PAICS: variants seen among roughly 807,000 people sequenced by gnomAD.
The protein encoded by PAICS is bifunctional phosphoribosylaminoimidazole carboxylase/phosphoribosylaminoimidazole succinocarboxamide synthetase.
PAICS carries 33 observed loss-of-function variants against 53.7 expected under a neutral mutation model. The observed-to-expected ratio is 0.61, with a 90% CI of 0.47 to 0.82. The LOEUF (loss-of-function observed/expected upper bound fraction) is 0.82, where lower values mean the gene tolerates loss of function less well. Ranked by LOEUF, PAICS falls within the 40% of genes least tolerant of loss-of-function variation. The pLI, the probability that PAICS is intolerant of heterozygous loss-of-function variation, is 0.00. For missense variants in PAICS, 394 were observed against 494.1 expected, an observed-to-expected ratio of 0.80 and a Z score of 1.92; for synonymous variants, 141 against 167.2, an observed-to-expected ratio of 0.84 and a Z score of 1.21.
chr4:56,457,428 A>G (rs1301863615), intron 8 of PAICS, among the ~76,000 whole-genome samples: 1 of 152,080 alleles, frequency 6.6e-6, no homozygotes, highest in African/African-American at 2.4e-5. Flanking sequence ...AATGTTTAAA[A>G]AGAAAAAAAT....
upstream of PAICS, chr4:56,435,718 A>C (rs1402927880): frequency 3.5e-5 from 52 of 1,467,438 alleles, no homozygotes; most frequent in Non-Finnish European, 4.6e-5. Context: ...CCCGCGGCTG[A>C]GGGGCGGGGT....
the PAICS span, among the ~76,000 whole-genome samples, chr4:56,429,562 GTC>G: frequency 6.0e-3 from 912 of 152,302 alleles, 17 homozygotes; most frequent in African/African-American, 0.021. Flanking sequence ...CTGAGCTCCA[GTC>G]TCTCTTTGAC....
chr4:56,456,112 G>A (rs1719182285), intron 8 of PAICS, among the ~76,000 whole-genome samples: 1 of 151,654 alleles, frequency 6.6e-6, no homozygotes, highest in Non-Finnish European at 1.5e-5. Context: ...TTTTTCTTGA[G>A]ACGGAGTCGG....
chr4:56,441,643 T>G lies in PAICS; in HGVS notation c.17-20T>G. The G allele has an allele frequency of 7.4e-7, 1 of 1,349,292 alleles. No individual in the cohort carries two copies. Among genetic ancestry groups the G allele is most frequent in the Non-Finnish European group, 1.0e-6 (1 of 999,572 alleles). 83.6% of individuals were successfully genotyped at this position (1,349,292 alleles called of 1,614,324 possible). On this transcript the variant is annotated intron_variant, in intron 1 of 8. Transcript: ENST00000512576. Reference sequence around the variant, plus strand: ...CAGGAAGTTTCTGAATTTTGGTCTATTTCCATTTTATTTCCACAGTACTGA... The same window carrying G: ...CAGGAAGTTTCTGAATTTTGGTCTAGTTCCATTTTATTTCCACAGTACTGA...
the PAICS span, among the ~76,000 whole-genome samples, chr4:56,417,977 T>C: frequency 6.6e-6 from 1 of 151,568 alleles, no homozygotes; most frequent in Non-Finnish European, 1.5e-5. Context: ...GTAGCTGGGA[T>C]TACAGGTGTG....
intron 8 of PAICS, among the ~76,000 whole-genome samples, chr4:56,454,797 G>A (rs1415548564): frequency 6.6e-6 from 1 of 151,314 alleles, no homozygotes; most frequent in Non-Finnish European, 1.5e-5. Context: ...TCATGGTATT[G>A]ATTTTTTTTT....
upstream of PAICS, among the ~76,000 whole-genome samples, chr4:56,435,144 G>A (rs79838544): frequency 5.0e-3 from 757 of 152,316 alleles, 9 homozygotes; most frequent in African/African-American, 0.017. Context: ...TGGCTGGGAG[G>A]GTGGGCAGGA....
At chr4:56,440,124 A>G (rs1718262357) in intron 1 of PAICS, among the ~76,000 whole-genome samples, 1 of 152,224 alleles carries the variant, frequency 6.6e-6, no homozygotes, top group Non-Finnish European at 1.5e-5. Flanking sequence ...TGGCTTGTGA[A>G]ACAAGAAGGA....
At chr4:56,443,842 A>G (rs550335438) in intron 2 of PAICS, among the ~76,000 whole-genome samples, 144 of 152,346 alleles carry the variant, frequency 9.5e-4, no homozygotes, top group African/African-American at 3.4e-3. Flanking sequence ...GGTTACCTAA[A>G]TGAAATACTC....
chr4:56,445,429 A>G (rs1718562912), intron 2 of PAICS, among the ~76,000 whole-genome samples: 1 of 152,192 alleles, frequency 6.6e-6, no homozygotes, highest in African/African-American at 2.4e-5. Flanking sequence ...TCTACTAAAA[A>G]TACAAAAATT....
At chr4:56,436,015 C>T (rs944592624), upstream of PAICS, 3 of 1,523,352 alleles carry the variant, frequency 2.0e-6, no homozygotes, top group South Asian at 2.3e-5. Flanking sequence ...GCCGCCAGTG[C>T]GCGCCACTTT....
chr4:56,436,272 C>G lies in PAICS; in HGVS notation c.-41C>G, dbSNP rs924488741. Reference sequence around the variant, plus strand: ...ACCCCTCTTTTCTAGAGTTCTGCCTCGCTTCCCGGCGCGGTCGCAGCCCTC... The same window carrying G: ...ACCCCTCTTTTCTAGAGTTCTGCCTGGCTTCCCGGCGCGGTCGCAGCCCTC... On this transcript the variant is annotated 5_prime_UTR_variant, in exon 1 of 9. Transcript: ENST00000512576. The G allele has an allele frequency of 1.1e-5, 17 of 1,587,586 alleles. No individual in the cohort carries two copies. The Admixed American group carries it at 3.0e-4, about 28-fold the overall frequency.
chr4:56,429,006 G>GT, the PAICS span: 1 of 961,706 alleles, frequency 1.0e-6, no homozygotes, highest in South Asian at 4.8e-5. Context: ...CATGAAGATG[G>GT]TAAGAGCCAG....
chr4:56,430,549 T>C, the PAICS span, among the ~76,000 whole-genome samples: 1 of 152,160 alleles, frequency 6.6e-6, no homozygotes, highest in Non-Finnish European at 1.5e-5. Flanking sequence ...GCTCAACAAA[T>C]ACATTTTGAA....
At chr4:56,447,416 G>A (rs1159498937) in intron 3 of PAICS, among the ~76,000 whole-genome samples, 1 of 152,126 alleles carries the variant, frequency 6.6e-6, no homozygotes, top group Non-Finnish European at 1.5e-5. Flanking sequence ...ATATTGTCAT[G>A]TAAAGTTGGG....
chr4:56,423,379 T>C, the PAICS span: 8 of 152,184 alleles, frequency 5.3e-5, no homozygotes, highest in African/African-American at 1.7e-4. Context: ...TCCCAGCTTC[T>C]TGGGATGCTA....
chr4:56,458,024 A>G (rs984718287), intron 8 of PAICS, among the ~76,000 whole-genome samples: 3 of 152,212 alleles, frequency 2.0e-5, no homozygotes, highest in Non-Finnish European at 4.4e-5. Flanking sequence ...CAGCGGCTAC[A>G]AATAAAGCTG....
At chr4:56,435,327 G>A, upstream of PAICS, 3 of 1,602,410 alleles carry the variant, frequency 1.9e-6, no homozygotes, top group Non-Finnish European at 1.7e-6. Context: ...GCACGCCCCC[G>A]CCACCCCCAC....
At chr4:56,438,404 A>ATATATATAT (rs1578145839) in intron 1 of PAICS, among the ~76,000 whole-genome samples, 3 of 41,444 alleles carry the variant, frequency 7.2e-5, no homozygotes, top group Non-Finnish European at 2.1e-4. Flanking sequence ...TATATATATA[A>ATATATATAT]AAGGTTTTTT....
Sources: gnomAD v4.1 joint callset for allele counts (sites outside exome capture counted in the v4.1 genomes callset) on GRCh38, gnomAD v4.1.1 for gene constraint, MANE v1.5 for transcripts, NCBI Gene and HGNC (gene_info 2026-07-23, HGNC 2026-07-21) for gene names.